Variants in SERPIND1 observed in about 807,000 individuals in gnomAD.
The protein encoded by SERPIND1 is serpin family D member 1.
In SERPIND1, 34 loss-of-function variants were observed where a neutral mutation model predicts 35.0. The ratio of observed to expected loss-of-function variants is 0.97; its 90% CI spans 0.74 to 1.29. The LOEUF is 1.29. SERPIND1 is among the 50% of genes most tolerant of loss of function. The pLI, the probability that SERPIND1 is intolerant of heterozygous loss-of-function variation, is 0.00. For missense variants in SERPIND1, 633 were observed against 637.7 expected, an observed-to-expected ratio of 0.99 and a Z score of 0.08; for synonymous variants, 236 against 241.1, an observed-to-expected ratio of 0.98 and a Z score of 0.19.
At chr22:20,786,174 ACCCGTCCCCAGGGTCTGCCTCAG>A (rs1232041745) in intron 4 of SERPIND1, 26 bp downstream of exon 4, 1 of 1,612,952 alleles carries the variant, frequency 6.2e-7, no homozygotes, top group South Asian at 1.1e-5. Context: ...TCCACCCCCG[ACCCGTCCCCAGGGTCTGCCTCAG>A]CACAGCCCCA....
chr22:20,778,251 A>G (rs1263562874), intron 1 of SERPIND1, among the ~76,000 whole-genome samples: 1 of 152,198 alleles, frequency 6.6e-6, no homozygotes, highest in African/African-American at 2.4e-5. Context: ...CTGTAATCCC[A>G]GCACTTTGGG....
Position 20,779,781 on chromosome 22 carries a change from G to T in SERPIND1, c.469G>T (p.Gly157Cys). Residue 157 changes from glycine (G) to cysteine (C), a missense_variant, in exon 2 of 5, where the codon GGC (glycine) becomes TGC (cysteine). Gly to Cys is a radical substitution (Grantham distance 159, BLOSUM62 -3). Coordinates refer to ENST00000215727, the MANE Select transcript of SERPIND1 (RefSeq NM_000185.4). ...CGATAACATCTTCATAGCACCCGTTGGCATTTCTACTGCGATGGGTATGAT... is the reference window on the plus strand; with the variant it reads ...CGATAACATCTTCATAGCACCCGTTTGCATTTCTACTGCGATGGGTATGAT... Reference protein sequence around the residue: ...TFDNIFIAPVGISTAMGMISL... With the variant: ...TFDNIFIAPVCISTAMGMISL... 1.2e-6 allele frequency: 2 copies of T among 1,614,198 alleles called. No individual in the cohort carries two copies. Among genetic ancestry groups the T allele is most frequent in the Non-Finnish European group, 1.7e-6 (2 of 1,180,014 alleles).
At chr22:20,775,054 C>T (rs1933155463) in intron 1 of SERPIND1, among the ~76,000 whole-genome samples, 1 of 152,100 alleles carries the variant, frequency 6.6e-6, no homozygotes, top group African/African-American at 2.4e-5. Context: ...TACTTCTCTC[C>T]CATTCTGCCT....
chr22:20,778,151 C>T (rs376055724), intron 1 of SERPIND1, among the ~76,000 whole-genome samples: 1 of 152,168 alleles, frequency 6.6e-6, no homozygotes, highest in Non-Finnish European at 1.5e-5. Context: ...ACCACATCAC[C>T]TCACTACGCC....
At chr22:20,775,878 GCTTA>G (rs1326785639) in intron 1 of SERPIND1, among the ~76,000 whole-genome samples, 2 of 152,252 alleles carry the variant, frequency 1.3e-5, no homozygotes, top group East Asian at 3.9e-4. Context: ...TCTACCAGCT[GCTTA>G]CTTTCTTTGT....
At position 20,779,967 on chromosome 22, in the gene SERPIND1, C is replaced by T. The variant is rs879862352; in HGVS notation, c.655C>T (p.Arg219Trp). The T allele has an allele frequency of 2.2e-5, 36 of 1,614,048 alleles. No homozygotes were observed. Among genetic ancestry groups the T allele is most frequent in the African/African-American group, 8.0e-5 (6 of 74,918 alleles). The change falls in exon 2 of 5, where the codon CGG becomes TGG. Residue 219 changes from arginine to tryptophan, a missense_variant. Coordinates refer to ENST00000215727, the MANE Select transcript of SERPIND1 (RefSeq NM_000185.4). ...CAGGAGGAATTTTGGGTACACACTGCGGTCAGTCAATGACCTTTATATCCA... is the reference window on the plus strand; with the variant it reads ...CAGGAGGAATTTTGGGTACACACTGTGGTCAGTCAATGACCTTTATATCCA... ...LFRRNFGYTLRSVNDLYIQKQ... is the reference protein window; with the variant it reads ...LFRRNFGYTLWSVNDLYIQKQ...
intron 2 of SERPIND1, among the ~76,000 whole-genome samples, chr22:20,782,082 G>A (rs1487954985): frequency 6.6e-6 from 1 of 152,188 alleles, no homozygotes; most frequent in Non-Finnish European, 1.5e-5. Context: ...CTATGTTTAG[G>A]ACTGACTTTA....
chr22:20,786,955 G>A lies in SERPIND1; in HGVS notation c.1389G>A (p.Leu463=). 1 of 1,614,166 alleles carries A rather than the reference G, an allele frequency of 6.2e-7. No homozygotes were observed. The highest frequency in any genetic ancestry group is 8.5e-7 in the Non-Finnish European group (1 of 1,180,042). ...TTVTTVGFMP[L]STQVRFTVDR... Reference sequence around the variant, plus strand: ...TGACCACGGTGGGGTTCATGCCGCTGTCCACCCAAGTCCGCTTCACTGTCG... The same window carrying A: ...TGACCACGGTGGGGTTCATGCCGCTATCCACCCAAGTCCGCTTCACTGTCG... Residue 463 remains leucine (L), a synonymous_variant, in exon 5 of 5, where the codon CTG becomes CTA. Coordinates refer to ENST00000215727, the MANE Select transcript of SERPIND1 (RefSeq NM_000185.4).
chr22:20,786,438 G>A lies in SERPIND1; in HGVS notation c.1308+290G>A, dbSNP rs376041502. The stretch of plus-strand genomic sequence containing the variant: ...AGGGGAGACATGTGCTGCGGTCTGG[G>A]AAATAGCTACCCCCAGCCAAATCAT... On this transcript the variant is annotated intron_variant, in intron 4 of 4. Coordinates refer to ENST00000215727, the MANE Select transcript of SERPIND1 (RefSeq NM_000185.4). Among the ~76,000 whole-genome samples, 28 of 152,292 alleles carry A rather than the reference G, an allele frequency of 1.8e-4. No homozygotes were observed. The East Asian group carries it at 5.2e-3, about 28-fold the overall frequency.
Position 20,778,436 on chromosome 22 carries a change from C to A in SERPIND1, c.-16-861C>A, listed in dbSNP as rs911628174. ...AGAGAATTGCTTGAGTCCAGGAGGCCGAAGTTGCAGTAAGCCGAGATCGCG... is the reference window on the plus strand; with the variant it reads ...AGAGAATTGCTTGAGTCCAGGAGGCAGAAGTTGCAGTAAGCCGAGATCGCG... On this transcript the variant is annotated intron_variant, in intron 1 of 4. Transcript: ENST00000215727. Among the ~76,000 whole-genome samples the A allele has an allele frequency of 2.6e-5, 4 of 151,872 alleles. No homozygotes were observed. The East Asian group carries it at 7.7e-4, about 29-fold the overall frequency.
At chr22:20,781,305 G>C (rs1433353157) in intron 2 of SERPIND1, among the ~76,000 whole-genome samples, 1 of 152,178 alleles carries the variant, frequency 6.6e-6, no homozygotes, top group Non-Finnish European at 1.5e-5. Flanking sequence ...AGTGTGGAAG[G>C]GGAAACACGA....
At chr22:20,784,316 G>C in intron 3 of SERPIND1, 71 bp downstream of exon 3, 1 of 1,599,210 alleles carries the variant, frequency 6.3e-7, no homozygotes, top group East Asian at 2.2e-5. Flanking sequence ...CTGGAAAATG[G>C]ATCATTTTTT....
Position 20,779,582 on chromosome 22 carries a change from C to T in SERPIND1, c.270C>T (p.Asp90=), listed in dbSNP as rs566477055. Residue 90 remains aspartate (D), a synonymous_variant, in exon 2 of 5, where the codon GAC becomes GAT. Transcript: ENST00000215727. ...LDLEKIFSED[D]DYIDIVDSLS... ...TGGAGAAGATATTCAGTGAAGACGA[C>T]GACTACATCGACATCGTCGACAGTC... 4.6e-5 allele frequency: 74 copies of T among 1,614,238 alleles called. No individual in the cohort carries two copies. Among genetic ancestry groups the T allele is most frequent in the South Asian group, 5.5e-5 (5 of 91,088 alleles).
At chr22:20,777,171 T>TG (rs1426138501) in intron 1 of SERPIND1, among the ~76,000 whole-genome samples, 1 of 152,014 alleles carries the variant, frequency 6.6e-6, no homozygotes, top group East Asian at 1.9e-4. Context: ...CTCAAGTAGA[T>TG]GGGACCACAG....
At chr22:20,774,487 G>A (rs1408239986) in intron 1 of SERPIND1, among the ~76,000 whole-genome samples, 2 of 152,262 alleles carry the variant, frequency 1.3e-5, no homozygotes, top group Non-Finnish European at 2.9e-5. Context: ...GAGGGGCCGG[G>A]TGCAGTGGCT....
chr22:20,780,230 C>T (rs779171830), intron 2 of SERPIND1, 29 bp downstream of exon 2: 1 of 1,614,102 alleles, frequency 6.2e-7, no homozygotes, highest in Non-Finnish European at 8.5e-7. Flanking sequence ...GTTCTCACAG[C>T]AAACCCACAA....
chr22:20,779,687 T>TA lies in SERPIND1; in HGVS notation c.375_376insA (p.Leu126ThrfsTer2). ...TTCATGGCAAGAGCCGGATCCAGCG[T>TA]CTTAACATCCTCAACGCCAAGTTCG... On this transcript the variant is annotated frameshift_variant, in exon 2 of 5. Transcript: ENST00000215727. LOFTEE classifies it high-confidence loss of function. 2 of 1,614,202 alleles carry TA rather than the reference T, an allele frequency of 1.2e-6. No homozygotes were observed. Among genetic ancestry groups the TA allele is most frequent in the Non-Finnish European group, 1.7e-6 (2 of 1,180,024 alleles).
intron 1 of SERPIND1, among the ~76,000 whole-genome samples, chr22:20,774,477 G>C (rs546281587): frequency 6.6e-6 from 1 of 152,270 alleles, no homozygotes; most frequent in South Asian, 2.1e-4. Context: ...TTAAAGGTTA[G>C]AGGGGCCGGG....
intron 2 of SERPIND1, among the ~76,000 whole-genome samples, chr22:20,780,985 C>T (rs1411294327): frequency 1.3e-5 from 2 of 152,156 alleles, no homozygotes; most frequent in East Asian, 3.9e-4. Flanking sequence ...AGACAAAAGG[C>T]TAAAGAAATG....
Sources: allele counts gnomAD v4.1 joint callset (sites outside exome capture counted in the v4.1 genomes callset), GRCh38; gene constraint gnomAD v4.1.1; transcripts MANE v1.5; gene names NCBI Gene and HGNC (gene_info 2026-07-23, HGNC 2026-07-21).